The following XPO1 variants were observed in gnomAD, a reference collection of about 807,000 sequenced individuals.
XPO1 encodes the protein exportin 1.
Under a neutral mutation model 133.3 loss-of-function variants are expected in XPO1, and 5 were observed. The observed-to-expected ratio is 0.04, with a 90% CI of 0.02 to 0.08. The LOEUF is 0.08. XPO1 is among the 10% of genes least tolerant of loss of function. The pLI is 1.00. For synonymous variants in XPO1, 419 were observed against 408.2 expected (o/e 1.03, Z -0.32); for missense variants, 506 against 1,267.5 (o/e 0.40, Z 9.12).
At chr2:61,484,213 A>T (rs1271160544) in intron 20 of XPO1, 108 bp from the exon 21 acceptor site, 6 of 980,734 alleles carry the variant, frequency 6.1e-6, no homozygotes, top group Non-Finnish European at 4.5e-6. Context: ...GTTTTCAATA[A>T]ACCACAGAAG....
At position 61,492,907 on chromosome 2, in the gene XPO1, T is replaced by C. The variant is rs776109343; in HGVS notation, c.1384+8A>G. The C allele has an allele frequency of 6.3e-7, 1 of 1,591,924 alleles. No individual in the cohort carries two copies. Among genetic ancestry groups the C allele is most frequent in the Non-Finnish European group, 8.5e-7 (1 of 1,171,386 alleles). ...AAAGGTAAAGATTAACAGTATTTAT[T>C]AACTTACCCAATGTTTCCCTCATAT... On this transcript the variant is annotated splice_region_variant and intron_variant, in intron 13 of 24. Coordinates refer to ENST00000401558, the MANE Select transcript of XPO1 (RefSeq NM_003400.4). The surrounding 1 kb of genome is among the most constrained non-coding windows in gnomAD (Gnocchi z 5.6).
chr2:61,525,855 T>C (rs1698886572), intron 3 of XPO1: 2 of 1,044,858 alleles, frequency 1.9e-6, no homozygotes, highest in African/African-American at 1.7e-5. Flanking sequence ...ATAGTATTTA[T>C]TACTTTAAGG....
chr2:61,505,314 A>G (rs1483492781), intron 4 of XPO1, among the ~76,000 whole-genome samples: 1 of 152,206 alleles, frequency 6.6e-6, no homozygotes, highest in Non-Finnish European at 1.5e-5. Flanking sequence ...TTAAAAACAA[A>G]AAGTAGGAAA....
intron 2 of XPO1, among the ~76,000 whole-genome samples, chr2:61,528,736 TATATATATATATATATATATATATA>T (rs1699023702): frequency 1.1e-3 from 2 of 1,886 alleles, no homozygotes; most frequent in Non-Finnish European, 1.8e-3. Flanking sequence ...ATTTTATTTA[TATATATATATATATATATATATATA>T]TATATATATA....
chr2:61,519,494 G>A (rs910030425), intron 4 of XPO1, among the ~76,000 whole-genome samples: 1 of 149,958 alleles, frequency 6.7e-6, no homozygotes, highest in Non-Finnish European at 1.5e-5. Flanking sequence ...TCAGGAAATC[G>A]AGACCTTCCT....
intron 20 of XPO1, 95 bp downstream of exon 20, chr2:61,485,673 T>A: frequency 4.7e-6 from 5 of 1,062,008 alleles, no homozygotes; most frequent in Non-Finnish European, 6.7e-6. Flanking sequence ...CTCCATGGCA[T>A]TAAAATTATG....
intron 4 of XPO1, among the ~76,000 whole-genome samples, chr2:61,516,378 T>C (rs991808747): frequency 1.3e-5 from 2 of 152,146 alleles, no homozygotes; most frequent in African/African-American, 4.8e-5. Context: ...GATTACTTTT[T>C]TCATAAATTC....
rs1344127312 is a variant in XPO1, at chr2:61,496,982, T to C, written c.785A>G (p.Asn262Ser). ...CTCAGTGAGGCACTTCAGAGAGACA[T>C]TTCGAAACATTGGAACATTCAGGAA... is the stretch of plus-strand genomic sequence containing the variant. ...YKFLNVPMFR[N>S]VSLKCLTEIA... Residue 262 changes from asparagine (N) to serine (S), a missense_variant, in exon 10 of 25, where the codon AAT becomes AGT. By Grantham distance (46) the Asn-to-Ser change is conservative. Around this residue, in one of 6 missense-constraint regions of XPO1, gnomAD observed 134 missense variants for 261.6 expected, o/e 0.51. Coordinates refer to ENST00000401558, the MANE Select transcript of XPO1 (RefSeq NM_003400.4). The C allele has an allele frequency of 6.2e-7, 1 of 1,612,892 alleles. No homozygotes were observed. The highest frequency in any genetic ancestry group is 8.5e-7 in the Non-Finnish European group (1 of 1,179,690).
At chr2:61,497,574 G>A (rs1189419902) in intron 9 of XPO1, among the ~76,000 whole-genome samples, 1 of 152,166 alleles carries the variant, frequency 6.6e-6, no homozygotes, top group Admixed American at 6.5e-5. Flanking sequence ...CCTAGAATCT[G>A]TGATATGACT....
At chr2:61,493,360 TTTGC>T (rs1697084702) in intron 12 of XPO1, 1 of 231,384 alleles carries the variant, frequency 4.3e-6, no homozygotes, top group African/African-American at 2.3e-5. Context: ...AAATTTAAAA[TTTGC>T]TAGGCATGGT....
chr2:61,515,478 A>C (rs1698325239), intron 4 of XPO1, among the ~76,000 whole-genome samples: 1 of 152,192 alleles, frequency 6.6e-6, no homozygotes. Flanking sequence ...GGATATTTTG[A>C]GACTGGTATA....
chr2:61,502,474 G>A, intron 4 of XPO1, 164 bp from the exon 5 acceptor site: 2 of 627,090 alleles, frequency 3.2e-6, no homozygotes, highest in Non-Finnish European at 2.6e-6. Context: ...TTCCGGCCCG[G>A]TGCGGTGGCT....
At chr2:61,533,744 G>C (rs1699256112) in intron 2 of XPO1, 28 bp downstream of exon 2, 1 of 1,557,720 alleles carries the variant, frequency 6.4e-7, no homozygotes, top group African/African-American at 1.4e-5. Flanking sequence ...CTGTCATAAT[G>C]TTATAAAGTT....
intron 23 of XPO1, among the ~76,000 whole-genome samples, chr2:61,482,033 C>CTTTTTTTGTTTTTTTTTTTTTT (rs1491506588): frequency 1.2e-5 from 1 of 86,820 alleles, no homozygotes; most frequent in Non-Finnish European, 2.5e-5. Flanking sequence ...CCGTGCGTGG[C>CTTTTTTTGTTTTTTTTTTTTTT]CTTTTTTTTT....
intron 17 of XPO1, 136 bp downstream of exon 17, chr2:61,490,506 T>C: frequency 7.8e-7 from 1 of 1,279,908 alleles, no homozygotes; most frequent in Non-Finnish European, 1.1e-6. Context: ...GCCCAGATAA[T>C]AAATTATAGA....
chr2:61,508,950 G>A lies in XPO1; in HGVS notation c.302-6640C>T, dbSNP rs184155593. 2.4e-4 allele frequency among the ~76,000 whole-genome samples: 37 copies of A among 152,150 alleles called. No homozygotes were observed. In the East Asian group the frequency reaches 2.9e-3, roughly 12 times the overall value. ...CTCCTCCCCAGCAGCTAATTTTCACGTACAGTTTAAGTACCCCAAATCTGA... is the reference window on the plus strand; with the variant it reads ...CTCCTCCCCAGCAGCTAATTTTCACATACAGTTTAAGTACCCCAAATCTGA... On this transcript the variant is annotated intron_variant, in intron 4 of 24. Coordinates refer to ENST00000401558, the MANE Select transcript of XPO1 (RefSeq NM_003400.4).
chr2:61,491,490 ACACACAC>A lies in XPO1; in HGVS notation c.1887+538_1887+544del, dbSNP rs1161241968. On this transcript the variant is annotated intron_variant, in intron 16 of 24. Transcript: ENST00000401558. ...CACACACACACACACACACACACAC[ACACACAC>A]CCCAAAACAAAACAAAACAAAAAAC... Among the ~76,000 whole-genome samples, 4 of 124,884 alleles carry A rather than the reference ACACACAC, an allele frequency of 3.2e-5. No homozygotes were observed. In the East Asian group the frequency reaches 1.1e-3, roughly 35 times the overall value. 81.9% of individuals were successfully genotyped at this position (124,884 alleles called of 152,430 possible). A position where few individuals can be genotyped will look rare whatever the true frequency, so the allele number is the denominator to read the frequency against.
intron 4 of XPO1, among the ~76,000 whole-genome samples, chr2:61,513,535 G>A (rs936554120): frequency 6.6e-6 from 1 of 150,982 alleles, no homozygotes; most frequent in Non-Finnish European, 1.5e-5. Context: ...CTGTTGACCA[G>A]GCTCGTCTCG....
intron 12 of XPO1, 182 bp downstream of exon 12, chr2:61,493,712 C>T: frequency 1.5e-6 from 1 of 650,970 alleles, no homozygotes; most frequent in Non-Finnish European, 2.6e-6. Context: ...AGAAGGACCA[C>T]ACTCTTGAGA....
Sources: allele counts gnomAD v4.1 joint callset (sites outside exome capture counted in the v4.1 genomes callset), GRCh38; gene constraint gnomAD v4.1.1; regional missense constraint gnomAD v4.1.1; non-coding constraint Gnocchi (gnomAD v3.1); transcripts MANE v1.5; gene names NCBI Gene and HGNC (gene_info 2026-07-23, HGNC 2026-07-21).